Variants in VAC14 observed in about 807,000 individuals in gnomAD.
VAC14 encodes VAC14 component of PIKFYVE complex.
VAC14 carries 47 observed loss-of-function variants against 85.3 expected under a neutral mutation model. The observed-to-expected ratio is 0.55, with a 90% CI of 0.44 to 0.70. The LOEUF is 0.70. VAC14 is among the 30% of genes least tolerant of loss of function. The pLI is 0.00. For missense variants in VAC14, 861 were observed against 1,004.3 expected, an observed-to-expected ratio of 0.86 and a Z score of 1.93; for synonymous variants, 447 against 430.5, an observed-to-expected ratio of 1.04 and a Z score of -0.47.
At chr16:70,731,259 C>G in intron 14 of VAC14, 1 of 1,274,388 alleles carries the variant, frequency 7.8e-7, no homozygotes, top group Non-Finnish European at 9.9e-7. Flanking sequence ...ACTCAGGAAG[C>G]AAAAAATGAA....
intron 12 of VAC14, among the ~76,000 whole-genome samples, chr16:70,748,464 G>A (rs1467814322): frequency 6.6e-6 from 1 of 152,228 alleles, no homozygotes; most frequent in African/African-American, 2.4e-5. Flanking sequence ...GGCCAAGGGA[G>A]TAAGAAGGGA....
chr16:70,715,774 C>CGG (rs951662874), intron 14 of VAC14: 3 of 151,992 alleles, frequency 2.0e-5, no homozygotes, highest in Non-Finnish European at 4.4e-5. Flanking sequence ...GCGGTGGAGT[C>CGG]GGGGCTGTCG....
intron 12 of VAC14, chr16:70,755,894 C>T (rs796676459): frequency 5.2e-5 from 21 of 406,626 alleles, no homozygotes; most frequent in African/African-American, 4.1e-4. Flanking sequence ...CACCTGGGAA[C>T]CTAGGGGCAC....
intron 10 of VAC14, chr16:70,766,301 G>A: frequency 2.8e-6 from 1 of 353,484 alleles, no homozygotes; most frequent in Non-Finnish European, 5.6e-6. Context: ...GCTCACAGTG[G>A]CCCTAAGATG....
chr16:70,689,792 T>A (rs565567849), intron 18 of VAC14: 3 of 985,472 alleles, frequency 3.0e-6, no homozygotes, highest in Admixed American at 6.1e-5. Context: ...TAGGCTGTGG[T>A]TGCTACTGGG....
intron 12 of VAC14, chr16:70,755,014 C>T (rs367885459): frequency 4.4e-4 from 77 of 173,916 alleles, no homozygotes; most frequent in African/African-American, 1.6e-3. Flanking sequence ...AGTCCAACCC[C>T]AGTACCCTGG....
At chr16:70,718,674 T>A (rs542419166) in intron 14 of VAC14, among the ~76,000 whole-genome samples, 3 of 151,088 alleles carry the variant, frequency 2.0e-5, no homozygotes, top group African/African-American at 4.9e-5. Flanking sequence ...GTGGGAAGAG[T>A]GACCCCTTTC....
intron 1 of VAC14, among the ~76,000 whole-genome samples, chr16:70,798,289 C>T (rs1283127839): frequency 2.6e-5 from 4 of 152,174 alleles, no homozygotes; most frequent in Non-Finnish European, 4.4e-5. Context: ...AGCACATGAA[C>T]TGACTCATTT....
At chr16:70,720,965 T>G (rs1252467277) in intron 14 of VAC14, among the ~76,000 whole-genome samples, 1 of 152,130 alleles carries the variant, frequency 6.6e-6, no homozygotes. Flanking sequence ...CTGACTTGAG[T>G]GCACTTGAAT....
intron 14 of VAC14, among the ~76,000 whole-genome samples, chr16:70,710,889 GTC>G (rs912803323): frequency 6.6e-6 from 1 of 152,256 alleles, no homozygotes; most frequent in African/African-American, 2.4e-5. Context: ...TGATTCACTA[GTC>G]TCTCGTGTTC....
At chr16:70,784,971 C>G (rs570906097) in intron 3 of VAC14, 133 bp from the exon 4 acceptor site, 1 of 790,808 alleles carries the variant, frequency 1.3e-6, no homozygotes, top group African/African-American at 1.7e-5. Flanking sequence ...ATCACCCTTT[C>G]GGTGAACACA....
At chr16:70,751,561 C>T (rs894467129) in intron 12 of VAC14, among the ~76,000 whole-genome samples, 2 of 152,240 alleles carry the variant, frequency 1.3e-5, no homozygotes, top group Admixed American at 6.5e-5. Context: ...CAAGCAGGAG[C>T]CTGGCCCCTT....
At chr16:70,783,364 G>A (rs540239074) in intron 6 of VAC14, 81 bp downstream of exon 6, 58 of 1,403,262 alleles carry the variant, frequency 4.1e-5, no homozygotes, top group South Asian at 3.2e-4. Flanking sequence ...CTCCTGCCGC[G>A]GCCTCTCTGT....
At chr16:70,790,496 G>T (rs566114559) in intron 1 of VAC14, among the ~76,000 whole-genome samples, 6 of 152,316 alleles carry the variant, frequency 3.9e-5, no homozygotes, top group Non-Finnish European at 7.4e-5. Flanking sequence ...GCTCGCACGT[G>T]ATGTGAACTT....
chr16:70,750,209 A>C (rs2031267914), intron 12 of VAC14, among the ~76,000 whole-genome samples: 1 of 152,240 alleles, frequency 6.6e-6, no homozygotes, highest in African/African-American at 2.4e-5. Context: ...TCCTCCTTCC[A>C]GTGAGCAGGC....
chr16:70,716,295 C>T (rs2054165214), intron 14 of VAC14: 1 of 152,272 alleles, frequency 6.6e-6, no homozygotes, highest in African/African-American at 2.4e-5. Context: ...CCTGGCACAT[C>T]CCAGGCACTC....
chr16:70,772,794 T>C (rs1047048420), intron 9 of VAC14: 2 of 152,260 alleles, frequency 1.3e-5, no homozygotes, highest in African/African-American at 4.8e-5. Context: ...CACATCAGCA[T>C]TATCTACAAT....
rs1450393675 is a variant in VAC14 at position 70,795,859 on chromosome 16, C to T, written c.104+4938G>A. Among the ~76,000 whole-genome samples the T allele has an allele frequency of 2.0e-5, 3 of 152,200 alleles. No homozygotes were observed. In the East Asian group the frequency reaches 5.8e-4, roughly 29 times the overall value. On this transcript the variant is annotated intron_variant, in intron 1 of 18. Coordinates refer to ENST00000261776, the MANE Select transcript of VAC14 (RefSeq NM_018052.5). ...AAGCTCAGGACCACTAGAGACTTGA[C>T]CATGAGTGGCGCTGTCTCTCCCAGC...
chr16:70,717,664 T>TC (rs1441199896), intron 14 of VAC14, among the ~76,000 whole-genome samples: 1 of 152,140 alleles, frequency 6.6e-6, no homozygotes, highest in East Asian at 1.9e-4. Context: ...TTTTTCTTTT[T>TC]CTTTTTTTTG....
Sources: gnomAD v4.1 joint callset for allele counts (sites outside exome capture counted in the v4.1 genomes callset) on GRCh38, gnomAD v4.1.1 for gene constraint, MANE v1.5 for transcripts, NCBI Gene and HGNC (gene_info 2026-07-23, HGNC 2026-07-21) for gene names.